LRIG3: variants seen among roughly 807,000 people sequenced by gnomAD.
The protein encoded by LRIG3 is leucine-rich repeats and immunoglobulin-like domains protein 3.
Under a neutral mutation model 114.5 loss-of-function variants are expected in LRIG3, and 76 were observed. The observed-to-expected ratio is 0.66, with a 90% CI of 0.55 to 0.80. The LOEUF is 0.80. LRIG3 is among the 30% of genes least tolerant of loss of function. The pLI, the probability that LRIG3 is intolerant of heterozygous loss-of-function variation, is 0.00. For missense variants in LRIG3, 1,239 were observed against 1,382.8 expected (o/e 0.90, Z 1.65); for synonymous variants, 512 against 519.8 (o/e 0.98, Z 0.20).
At chr12:58,872,915 G>C (rs995902709) in intron 18 of LRIG3, 99 bp from the exon 19 acceptor site, 1 of 1,477,236 alleles carries the variant, frequency 6.8e-7, no homozygotes, top group Non-Finnish European at 9.0e-7. Context: ...CCATGAATAT[G>C]AGTAAGTGTT....
chr12:58,900,488 A>T (rs1871805833), intron 3 of LRIG3, among the ~76,000 whole-genome samples: 1 of 152,160 alleles, frequency 6.6e-6, no homozygotes, highest in African/African-American at 2.4e-5. Flanking sequence ...GAGTGAAATA[A>T]ATGCACTCAG....
At position 58,874,513 on chromosome 12, in the gene LRIG3, A is replaced by AG. The variant is rs758605517; in HGVS notation, c.2755dup (p.Leu919ProfsTer24). 51 of 1,614,072 alleles carry AG rather than the reference A, an allele frequency of 3.2e-5. No individual in the cohort carries two copies. Among genetic ancestry groups the AG allele is most frequent in the Non-Finnish European group, 4.1e-5 (48 of 1,180,030 alleles). On this transcript the variant is annotated frameshift_variant, in exon 17 of 19. Coordinates refer to ENST00000320743, the MANE Select transcript of LRIG3 (RefSeq NM_153377.5). LOFTEE classifies it high-confidence loss of function. ...GCCTGTGGATCCCAAAAACGGACAA[A>AG]GGAACAGATCTGTGGCAGCTTCCAC...
At chr12:58,891,438 T>G (rs1045069213) in intron 3 of LRIG3, among the ~76,000 whole-genome samples, 2 of 152,168 alleles carry the variant, frequency 1.3e-5, no homozygotes, top group Non-Finnish European at 2.9e-5. Context: ...TCCCTTCTCC[T>G]TATTAAATGG....
At chr12:58,889,626 T>A (rs1871385660) in intron 5 of LRIG3, among the ~76,000 whole-genome samples, 1 of 152,074 alleles carries the variant, frequency 6.6e-6, no homozygotes, top group Non-Finnish European at 1.5e-5. Flanking sequence ...ACAAGACAGA[T>A]CTTTACAGCC....
intron 3 of LRIG3, among the ~76,000 whole-genome samples, chr12:58,904,583 G>A (rs530775368): frequency 6.6e-6 from 1 of 152,118 alleles, no homozygotes; most frequent in Non-Finnish European, 1.5e-5. Flanking sequence ...TGAATTTTAC[G>A]GGCTTCAAGA....
intron 3 of LRIG3, among the ~76,000 whole-genome samples, chr12:58,900,889 G>A (rs1230549639): frequency 6.6e-6 from 1 of 152,190 alleles, no homozygotes; most frequent in Non-Finnish European, 1.5e-5. Flanking sequence ...ACATAGGCAG[G>A]TGAGTTCACA....
chr12:58,908,036 A>G (rs150048732), intron 3 of LRIG3, among the ~76,000 whole-genome samples: 151 of 152,308 alleles, frequency 9.9e-4, no homozygotes, highest in African/African-American at 2.7e-3. Flanking sequence ...CAAATTGCCA[A>G]TACTCCCTAC....
At chr12:58,918,973 A>T (rs946583257) in intron 1 of LRIG3, among the ~76,000 whole-genome samples, 1 of 152,256 alleles carries the variant, frequency 6.6e-6, no homozygotes, top group African/African-American at 2.4e-5. Context: ...ACATTAGGGC[A>T]TTGGAATAGT....
chr12:58,876,727 G>A, intron 15 of LRIG3, 124 bp from the exon 16 acceptor site: 2 of 945,734 alleles, frequency 2.1e-6, no homozygotes, highest in Non-Finnish European at 1.6e-6. Flanking sequence ...GATCTACTCT[G>A]GCAAAACCAT....
At chr12:58,890,922 A>C in intron 3 of LRIG3, 126 bp from the exon 4 acceptor site, 1 of 784,720 alleles carries the variant, frequency 1.3e-6, no homozygotes, top group South Asian at 2.3e-5. Flanking sequence ...AGTACTTTTA[A>C]AAGTTAAAGA....
chr12:58,880,488 G>A (rs1366264990), intron 13 of LRIG3, 93 bp downstream of exon 13: 1 of 1,267,732 alleles, frequency 7.9e-7, no homozygotes, highest in East Asian at 2.4e-5. Flanking sequence ...ACTGTGAGAA[G>A]AAAAGACAGG....
chr12:58,877,881 C>T, intron 14 of LRIG3, 29 bp from the exon 15 acceptor site: 3 of 1,567,344 alleles, frequency 1.9e-6, no homozygotes, highest in East Asian at 2.3e-5. Context: ...CTTTTAATTT[C>T]CCAAATAAAA....
At position 58,919,575 on chromosome 12, in the gene LRIG3, G is replaced by A. The variant is rs533862786; in HGVS notation, c.236+425C>T. The A allele has an allele frequency of 2.5e-5, 38 of 1,541,410 alleles. No homozygotes were observed. The Middle Eastern group carries it at 8.4e-4, about 34-fold the overall frequency. On this transcript the variant is annotated intron_variant, in intron 1 of 18. Transcript: ENST00000320743. ...GTGGGAACAGGAAAAGGAGTCTGAC[G>A]CAGCTAGAAACTAAAACTGAACCAG...
Position 58,874,177 on chromosome 12 carries a change from A to C in LRIG3, c.2993T>G (p.Leu998Arg), listed in dbSNP as rs1157545319. The change falls in exon 18 of 19, where the codon CTT becomes CGT. Residue 998 changes from leucine (L) to arginine (R), a missense_variant. Leu to Arg is a moderately radical substitution (Grantham distance 102). Transcript: ENST00000320743. ...TTCATTGTGAGAGTAACTAGTGTTA[A>C]GTAGCTTCCTCACATGTGAAGGCCA... ...ISWPSHVRKL[L>R]NTSYSHNEGP... The C allele has an allele frequency of 1.2e-6, 2 of 1,614,216 alleles. No individual in the cohort carries two copies. Among genetic ancestry groups the C allele is most frequent in the Middle Eastern group, 1.6e-4 (1 of 6,062 alleles).
chr12:58,902,653 T>C (rs952562624), intron 3 of LRIG3, among the ~76,000 whole-genome samples: 1 of 152,090 alleles, frequency 6.6e-6, no homozygotes, highest in Non-Finnish European at 1.5e-5. Flanking sequence ...TGTGCCATGC[T>C]GGTGTGCTGC....
intron 6 of LRIG3, 136 bp from the exon 7 acceptor site, chr12:58,888,608 C>G: frequency 1.6e-6 from 2 of 1,269,290 alleles, no homozygotes; most frequent in Non-Finnish European, 2.1e-6. Context: ...AAGACGTCAG[C>G]AAAAAAATAC....
intron 3 of LRIG3, among the ~76,000 whole-genome samples, chr12:58,905,434 C>A (rs757131417): frequency 6.6e-6 from 1 of 152,094 alleles, no homozygotes; most frequent in Non-Finnish European, 1.5e-5. Context: ...CATATTAAGA[C>A]GTTTATGTGT....
chr12:58,874,480 T>A lies in LRIG3; in HGVS notation c.2789A>T (p.Tyr930Phe). 1 of 1,614,168 alleles carries A rather than the reference T, an allele frequency of 6.2e-7. No individual in the cohort carries two copies. Among genetic ancestry groups the A allele is most frequent in the Non-Finnish European group, 8.5e-7 (1 of 1,180,024 alleles). The change falls in exon 17 of 19, where the codon TAT becomes TTT. Residue 930 changes from tyrosine to phenylalanine, a missense_variant. Tyr to Phe is a conservative substitution (Grantham distance 22). Coordinates refer to ENST00000320743, the MANE Select transcript of LRIG3 (RefSeq NM_153377.5). ...TGAGCCATACACATTTCCCTTCAAA[T>A]ACATAGGGCCTGTGGATCCCAAAAA... Reference protein sequence around the residue: ...CPFLGSTGPMYLKGNVYGSDP... With the variant: ...CPFLGSTGPMFLKGNVYGSDP...
At chr12:58,902,156 G>A (rs1224227005) in intron 3 of LRIG3, among the ~76,000 whole-genome samples, 3 of 152,046 alleles carry the variant, frequency 2.0e-5, no homozygotes, top group Non-Finnish European at 4.4e-5. Flanking sequence ...CTACTTCCCT[G>A]AGTCTGTAAA....
Sources: gnomAD v4.1 joint callset for allele counts (sites outside exome capture counted in the v4.1 genomes callset) on GRCh38, gnomAD v4.1.1 for gene constraint, MANE v1.5 for transcripts, NCBI Gene and HGNC (gene_info 2026-07-23, HGNC 2026-07-21) for gene names.